ANTXR1: variants seen among roughly 807,000 people sequenced by gnomAD.
ANTXR1 encodes the protein anthrax toxin receptor 1.
A neutral mutation model predicts 78.1 loss-of-function variants in ANTXR1; 19 were observed. That is an observed-to-expected ratio of 0.24 (90% confidence interval 0.17 to 0.36). The LOEUF is 0.36. ANTXR1 is among the 10% of genes least tolerant of loss of function. ANTXR1 has a pLI of 1.00. For synonymous variants in ANTXR1, 273 were observed against 260.5 expected (o/e 1.05, Z -0.46); for missense variants, 518 against 718.6 (o/e 0.72, Z 3.19).
intron 10 of ANTXR1, among the ~76,000 whole-genome samples, chr2:69,116,553 GC>G (rs1301336693): frequency 1.3e-5 from 2 of 152,098 alleles, no homozygotes; most frequent in Admixed American, 1.3e-4. Context: ...GTTATATTTG[GC>G]TCTGGAATGC....
chr2:69,156,920 C>T (rs759597166), intron 13 of ANTXR1, among the ~76,000 whole-genome samples: 6 of 152,224 alleles, frequency 3.9e-5, no homozygotes, highest in Non-Finnish European at 7.3e-5. Context: ...GAACACGGAT[C>T]CAACCCATGT....
chr2:69,052,914 C>T (rs1241416653), intron 3 of ANTXR1, among the ~76,000 whole-genome samples: 2 of 152,094 alleles, frequency 1.3e-5, no homozygotes, highest in African/African-American at 4.8e-5. Flanking sequence ...TTGCATTTTT[C>T]AATTGACAAT....
intron 17 of ANTXR1, among the ~76,000 whole-genome samples, chr2:69,216,499 A>G (rs1426016813): frequency 6.6e-6 from 1 of 152,144 alleles, no homozygotes; most frequent in Non-Finnish European, 1.5e-5. Flanking sequence ...ATGTACACGC[A>G]CACACACGAT....
At position 69,040,000 on chromosome 2, in the gene ANTXR1, A is replaced by G. The variant is rs558668162; in HGVS notation, c.153-44A>G. The G allele has an allele frequency of 2.6e-6, 4 of 1,525,880 alleles. No individual in the cohort carries two copies. In the African/African-American group the frequency reaches 5.5e-5, roughly 21 times the overall value. The allele number at this position is 1,525,880 out of a possible 1,614,324, so 94.5% of individuals were successfully genotyped here. A position where few individuals can be genotyped will look rare whatever the true frequency, so the allele number is the denominator to read the frequency against. ...AAGATAAATAATACAAGGTAAAGAC[A>G]AGTAAACACCTGAGTCACGCAACAC... On this transcript the variant is annotated intron_variant, in intron 1 of 17. Transcript: ENST00000303714.
At chr2:69,131,546 G>A (rs1020968803) in intron 12 of ANTXR1, among the ~76,000 whole-genome samples, 2 of 152,226 alleles carry the variant, frequency 1.3e-5, no homozygotes, top group African/African-American at 4.8e-5. Flanking sequence ...AAGAGCGGTT[G>A]TCTCTCAGGC....
intron 17 of ANTXR1, among the ~76,000 whole-genome samples, chr2:69,241,327 T>A (rs1675889463): frequency 6.6e-6 from 1 of 152,246 alleles, no homozygotes; most frequent in East Asian, 1.9e-4. Flanking sequence ...AACTGATCTT[T>A]AGGCCAATTA....
chr2:69,164,281 C>T (rs541708199), intron 13 of ANTXR1, among the ~76,000 whole-genome samples: 35 of 152,318 alleles, frequency 2.3e-4, no homozygotes, highest in African/African-American at 8.4e-4. Context: ...ATCCAAGCAT[C>T]ACAGCCCACT....
intron 16 of ANTXR1, among the ~76,000 whole-genome samples, chr2:69,183,808 C>G (rs994502001): frequency 6.6e-6 from 1 of 152,156 alleles, no homozygotes; most frequent in Non-Finnish European, 1.5e-5. Flanking sequence ...CCATAAACAT[C>G]TGCACTATGC....
intron 3 of ANTXR1, among the ~76,000 whole-genome samples, chr2:69,045,202 T>A (rs1047770082): frequency 6.6e-6 from 1 of 152,106 alleles, no homozygotes; most frequent in Non-Finnish European, 1.5e-5. Flanking sequence ...GTGAGACAGG[T>A]AAGAGCTTGA....
At chr2:69,085,891 G>A (rs1036446708) in intron 8 of ANTXR1, among the ~76,000 whole-genome samples, 4 of 152,180 alleles carry the variant, frequency 2.6e-5, no homozygotes. Flanking sequence ...TCAGGTTTTT[G>A]TCTTAGACAA....
chr2:69,046,286 C>T (rs1485752217), intron 3 of ANTXR1, among the ~76,000 whole-genome samples: 1 of 152,120 alleles, frequency 6.6e-6, no homozygotes, highest in Admixed American at 6.6e-5. Flanking sequence ...TGCTAATGCT[C>T]ACAGCTTCTG....
Position 69,075,588 on chromosome 2 carries a change from A to G in ANTXR1, c.493-2A>G. ...CTAATGTCCTTTCTTTCCTTTTCCC[A>G]GGCTAATAGGTCTCGAGATCTTGGT... On this transcript the variant is annotated splice_acceptor_variant, in intron 6 of 17. Transcript: ENST00000303714. LOFTEE classifies it high-confidence loss of function. The G allele has an allele frequency of 6.2e-7, 1 of 1,614,008 alleles. No homozygotes were observed. Among genetic ancestry groups the G allele is most frequent in the South Asian group, 1.1e-5 (1 of 91,076 alleles).
At position 69,246,262 on chromosome 2, in the gene ANTXR1, C is replaced by CAGGAGGCGGCGAGGAGGTG; in HGVS notation, c.*777_*778insAGGAGGCGGCGAGGAGGTG. The CAGGAGGCGGCGAGGAGGTG allele has an allele frequency of 6.6e-6, 1 of 152,328 alleles. No homozygotes were observed. The allele number at this position is 152,328 out of a possible 1,614,324, so 9.4% of individuals were successfully genotyped here. Reference sequence around the variant, plus strand: ...ACAGGCCATCAGCAGCTAGAGGTGGCTGGCTTTGGCCAGACATGGACCCTA... The same window carrying CAGGAGGCGGCGAGGAGGTG: ...ACAGGCCATCAGCAGCTAGAGGTGGCAGGAGGCGGCGAGGAGGTGTGGCTTTGGCCAGACATGGACCCTA... On this transcript the variant is annotated 3_prime_UTR_variant, in exon 18 of 18. Transcript: ENST00000303714.
At chr2:69,058,841 G>A (rs1558501010) in intron 3 of ANTXR1, among the ~76,000 whole-genome samples, 3 of 152,218 alleles carry the variant, frequency 2.0e-5, no homozygotes. Context: ...TCATGCAGGA[G>A]TGGCCAAAAT....
intron 1 of ANTXR1, among the ~76,000 whole-genome samples, chr2:69,036,644 T>C (rs1669436760): frequency 6.6e-6 from 1 of 152,168 alleles, no homozygotes; most frequent in Non-Finnish European, 1.5e-5. Flanking sequence ...TTTCAAAGAT[T>C]AATTTTTCTG....
chr2:69,092,055 G>C (rs1041079525), intron 9 of ANTXR1, among the ~76,000 whole-genome samples: 2 of 152,204 alleles, frequency 1.3e-5, no homozygotes, highest in Non-Finnish European at 2.9e-5. Context: ...GTGAGTTCCT[G>C]TCCCCCAGAA....
chr2:69,046,326 A>T (rs753548155), intron 3 of ANTXR1, among the ~76,000 whole-genome samples: 20 of 152,182 alleles, frequency 1.3e-4, no homozygotes, highest in Admixed American at 9.2e-4. Context: ...GGGGTCAGGG[A>T]TTTATAAACA....
chr2:69,018,998 A>G (rs1671106507), intron 1 of ANTXR1, among the ~76,000 whole-genome samples: 1 of 152,214 alleles, frequency 6.6e-6, no homozygotes, highest in African/African-American at 2.4e-5. Flanking sequence ...CCAGAGATCT[A>G]GGGGGTTAAT....
intron 14 of ANTXR1, among the ~76,000 whole-genome samples, chr2:69,173,147 G>A (rs928966199): frequency 1.1e-4 from 16 of 152,178 alleles, no homozygotes; most frequent in African/African-American, 3.9e-4. Flanking sequence ...AAGAACTGAG[G>A]CAGCTCTAGA....
Sources: gnomAD v4.1 joint callset for allele counts (sites outside exome capture counted in the v4.1 genomes callset) on GRCh38, gnomAD v4.1.1 for gene constraint, MANE v1.5 for transcripts, NCBI Gene and HGNC (gene_info 2026-07-23, HGNC 2026-07-21) for gene names.